The following CFAP47 variants were observed in gnomAD, a reference collection of about 807,000 sequenced individuals.
The protein encoded by CFAP47 is cilia and flagella associated protein 47.
CFAP47 carries 29 observed loss-of-function variants against 148.1 expected under a neutral mutation model. The ratio of observed to expected loss-of-function variants is 0.20; its 90% CI spans 0.15 to 0.27. The LOEUF is 0.27. Among genes scored for constraint, CFAP47 ranks in the 10% least tolerant of loss-of-function variants. CFAP47 has a pLI of 1.00. For missense variants in CFAP47, 1,872 were observed against 1,697.5 expected (o/e 1.10, Z -1.81); for synonymous variants, 664 against 577.3 (o/e 1.15, Z -2.15).
intron 33 of CFAP47, among the ~76,000 whole-genome samples, chrX:36,129,287 T>C (rs1397634637): frequency 9.0e-6 from 1 of 111,018 alleles, no homozygotes; most frequent in Non-Finnish European, 1.9e-5. Context: ...TCTGTAATTG[T>C]TTTCTTTTTA....
intron 26 of CFAP47, among the ~76,000 whole-genome samples, chrX:36,052,295 G>T (rs913705747): frequency 8.9e-6 from 1 of 111,881 alleles, no homozygotes. Flanking sequence ...TAGAATGATT[G>T]ACCTTTTCTT....
intron 57 of CFAP47, among the ~76,000 whole-genome samples, chrX:36,327,050 A>T (rs1941522954): frequency 9.1e-6 from 1 of 109,983 alleles, no homozygotes; most frequent in African/African-American, 3.3e-5. Flanking sequence ...GCCTTGGTGA[A>T]GAATTTTCAG....
At position 36,104,525 on chromosome X, in the gene CFAP47, A is replaced by G; in HGVS notation, c.5154A>G (p.Pro1718=). ...YKVLVLSRVV[P]YCSNNMPPIC... is the part of the protein sequence containing the mutation. ...TTTTGGTTCTATCCCGTGTAGTGCCATACTGCAGCAATAATATGCCCCCCA... is the reference window on the plus strand; with the variant it reads ...TTTTGGTTCTATCCCGTGTAGTGCCGTACTGCAGCAATAATATGCCCCCCA... Residue 1718 remains proline (P), a synonymous_variant, in exon 33 of 64, where the codon CCA becomes CCG. Transcript: ENST00000378653. 2.0e-6 allele frequency: 2 copies of G among 977,450 alleles called. No homozygotes were observed. The highest frequency in any genetic ancestry group is 2.8e-6 in the Non-Finnish European group (2 of 717,459). 80.6% of individuals were successfully genotyped at this position (977,450 alleles called of 1,213,427 possible). A position where few individuals can be genotyped will look rare whatever the true frequency, so the allele number is the denominator to read the frequency against.
At chrX:36,026,678 T>A (rs1937220489) in intron 22 of CFAP47, among the ~76,000 whole-genome samples, 1 of 110,686 alleles carries the variant, frequency 9.0e-6, no homozygotes, top group African/African-American at 3.3e-5. Flanking sequence ...TCATAAATTC[T>A]ATGTATTTTT....
chrX:36,303,159 C>A (rs1556008121), intron 53 of CFAP47, among the ~76,000 whole-genome samples: 1 of 111,237 alleles, frequency 9.0e-6, no homozygotes, highest in African/African-American at 3.3e-5. Context: ...TAATTCCTTG[C>A]CTCTTTTAGC....
At chrX:36,157,419 A>C (rs1329523360) in intron 37 of CFAP47, among the ~76,000 whole-genome samples, 1 of 111,726 alleles carries the variant, frequency 9.0e-6, no homozygotes, top group African/African-American at 3.2e-5. Flanking sequence ...CTGGCCTTTG[A>C]TTAGTTATTC....
At chrX:36,239,227 T>C (rs1341606353) in intron 48 of CFAP47, among the ~76,000 whole-genome samples, 2 of 112,451 alleles carry the variant, frequency 1.8e-5, no homozygotes, top group Non-Finnish European at 3.8e-5. Context: ...AGAAGGTTTG[T>C]AAATTCATTT....
chrX:36,141,022 A>G, intron 35 of CFAP47, among the ~76,000 whole-genome samples: 1 of 108,922 alleles, frequency 9.2e-6, no homozygotes, highest in Non-Finnish European at 1.9e-5. Flanking sequence ...TAGTGATTGG[A>G]GCTAAGGGTG....
chrX:36,295,575 T>A lies in CFAP47; in HGVS notation c.7687-3402T>A, dbSNP rs143142099. On this transcript the variant is annotated intron_variant, in intron 51 of 63. Coordinates refer to ENST00000378653, the MANE Select transcript of CFAP47 (RefSeq NM_001304548.2). ...AAGAAAGTTGTTTCAAGAATAAACA[T>A]CAATTTTGATCGTCTTATAAAATGA... 3.3e-3 allele frequency among the ~76,000 whole-genome samples: 367 copies of A among 112,302 alleles called. 7 individuals carry two copies. The highest frequency in any genetic ancestry group is 0.011 in the African/African-American group (356 of 31,098).
At chrX:36,101,837 TTA>T (rs750758265) in intron 32 of CFAP47, among the ~76,000 whole-genome samples, 1 of 111,928 alleles carries the variant, frequency 8.9e-6, no homozygotes, top group African/African-American at 3.2e-5. Context: ...AAAATGAACA[TTA>T]TGTTTTCTAA....
At chrX:36,067,887 G>A (rs906817625) in intron 27 of CFAP47, among the ~76,000 whole-genome samples, 3 of 110,352 alleles carry the variant, frequency 2.7e-5, no homozygotes, top group African/African-American at 6.6e-5. Flanking sequence ...TCCTGACCTC[G>A]TGATCCGCCC....
At chrX:36,109,410 G>C (rs1938517267) in intron 33 of CFAP47, among the ~76,000 whole-genome samples, 1 of 111,652 alleles carries the variant, frequency 9.0e-6, no homozygotes, top group Non-Finnish European at 1.9e-5. Context: ...CACTCCCAGC[G>C]ACAGTTTATA....
At chrX:35,936,595 TA>T (rs2146626190) in intron 2 of CFAP47, among the ~76,000 whole-genome samples, 1 of 110,777 alleles carries the variant, frequency 9.0e-6, no homozygotes, top group African/African-American at 3.3e-5. Context: ...GATTGAATGC[TA>T]AATTTTTTTT....
At chrX:36,371,158 C>G (rs868968458) in intron 62 of CFAP47, among the ~76,000 whole-genome samples, 1 of 110,824 alleles carries the variant, frequency 9.0e-6, no homozygotes, top group Admixed American at 9.7e-5. Context: ...ATATAAAATC[C>G]TTATTTTTCT....
chrX:36,251,142 TTTCTC>T (rs1311320468), intron 48 of CFAP47, among the ~76,000 whole-genome samples, 186 bp from the exon 49 acceptor site: 5 of 111,321 alleles, frequency 4.5e-5, no homozygotes, highest in African/African-American at 1.6e-4. Flanking sequence ...TGTTCTTAGA[TTTCTC>T]TTCTACTGGA....
chrX:36,020,665 T>C (rs1220084271), intron 22 of CFAP47, among the ~76,000 whole-genome samples: 1 of 111,861 alleles, frequency 8.9e-6, no homozygotes, highest in Admixed American at 9.5e-5. Context: ...TCCTGCTCTT[T>C]TTTGGTTTCT....
At chrX:36,238,362 A>T (rs1001257542) in intron 48 of CFAP47, among the ~76,000 whole-genome samples, 1 of 112,437 alleles carries the variant, frequency 8.9e-6, no homozygotes. Flanking sequence ...AGCCACATGG[A>T]GCTGTGTGTC....
At chrX:36,113,471 G>T (rs777916655) in intron 33 of CFAP47, among the ~76,000 whole-genome samples, 1 of 111,474 alleles carries the variant, frequency 9.0e-6, no homozygotes, top group East Asian at 2.9e-4. Flanking sequence ...TAGTGTAATG[G>T]GCTTCCCTTT....
At chrX:36,185,597 A>C (rs1939798145) in intron 40 of CFAP47, among the ~76,000 whole-genome samples, 1 of 112,211 alleles carries the variant, frequency 8.9e-6, no homozygotes, top group Admixed American at 9.5e-5. Flanking sequence ...ATAAGATAAG[A>C]TGTAAGGATT....
Sources: allele counts gnomAD v4.1 joint callset (sites outside exome capture counted in the v4.1 genomes callset), GRCh38; gene constraint gnomAD v4.1.1; transcripts MANE v1.5; gene names NCBI Gene and HGNC (gene_info 2026-07-23, HGNC 2026-07-21).